Variants in ELMO1 observed in about 807,000 individuals in gnomAD.
ELMO1 encodes the protein engulfment and cell motility 1.
ELMO1 carries 26 observed loss-of-function variants against 98.9 expected under a neutral mutation model. The observed-to-expected ratio is 0.26, with a 90% CI of 0.19 to 0.36. ELMO1 has a LOEUF of 0.36. Among genes scored for constraint, ELMO1 ranks in the 10% least tolerant of loss-of-function variants. ELMO1 has a pLI of 1.00. For synonymous variants in ELMO1, 346 were observed against 346.0 expected, an observed-to-expected ratio of 1.00 and a Z score of 0.00; for missense variants, 627 against 935.2, an observed-to-expected ratio of 0.67 and a Z score of 4.30.
chr7:37,017,002 GAAGTA>G (rs1358676437), intron 15 of ELMO1, among the ~76,000 whole-genome samples: 1 of 152,176 alleles, frequency 6.6e-6, no homozygotes, highest in Non-Finnish European at 1.5e-5. Flanking sequence ...AAATATTTAT[GAAGTA>G]AAACCTTACA....
intron 8 of ELMO1, among the ~76,000 whole-genome samples, chr7:37,226,062 G>A (rs1366284032): frequency 6.6e-6 from 1 of 152,080 alleles, no homozygotes; most frequent in Admixed American, 6.6e-5. Context: ...AGCACACCAT[G>A]GCAGTTCCCA....
At chr7:37,233,705 C>A (rs192904709) in intron 7 of ELMO1, among the ~76,000 whole-genome samples, 1 of 147,556 alleles carries the variant, frequency 6.8e-6, no homozygotes, top group African/African-American at 2.5e-5. Context: ...AAAAATACTT[C>A]TATTAAGAGA....
chr7:36,968,012 TTGAG>T (rs1357305067), intron 16 of ELMO1, among the ~76,000 whole-genome samples: 4 of 152,318 alleles, frequency 2.6e-5, no homozygotes, highest in African/African-American at 7.2e-5. Context: ...TACCTTCCAA[TTGAG>T]TAATATTAGA....
At chr7:37,132,920 T>C (rs1485832114) in intron 14 of ELMO1, 3 of 372,892 alleles carry the variant, frequency 8.0e-6, no homozygotes, top group Non-Finnish European at 9.5e-6. Flanking sequence ...TTTTTTAATG[T>C]CATCGAAATA....
intron 5 of ELMO1, among the ~76,000 whole-genome samples, chr7:37,261,001 A>AT (rs1795948464): frequency 6.6e-6 from 1 of 152,178 alleles, no homozygotes; most frequent in African/African-American, 2.4e-5. Context: ...TGAAAAGTGT[A>AT]TTTTTTCTCC....
intron 15 of ELMO1, among the ~76,000 whole-genome samples, chr7:37,070,632 G>T (rs967143739): frequency 1.3e-5 from 2 of 152,182 alleles, no homozygotes; most frequent in Non-Finnish European, 2.9e-5. Flanking sequence ...CGTGTCTTGA[G>T]CAAGGCTTTC....
chr7:37,206,026 T>G (rs756801030), intron 13 of ELMO1, among the ~76,000 whole-genome samples: 21 of 152,296 alleles, frequency 1.4e-4, no homozygotes, highest in Non-Finnish European at 2.9e-4. Flanking sequence ...CTTTAACTGT[T>G]ACTTTCACCA....
chr7:37,077,085 C>G (rs1797623080), intron 15 of ELMO1, among the ~76,000 whole-genome samples: 2 of 152,212 alleles, frequency 1.3e-5, no homozygotes, highest in African/African-American at 4.8e-5. Context: ...ACCCGTGCAG[C>G]CTCTCCAAGC....
chr7:36,966,422 T>C (rs1176876073), intron 16 of ELMO1, among the ~76,000 whole-genome samples: 1 of 152,212 alleles, frequency 6.6e-6, no homozygotes, highest in Non-Finnish European at 1.5e-5. Context: ...TTGGCCTGTA[T>C]CTACTGCTCC....
At chr7:37,281,539 C>G (rs1797142475) in intron 4 of ELMO1, among the ~76,000 whole-genome samples, 1 of 152,170 alleles carries the variant, frequency 6.6e-6, no homozygotes. Flanking sequence ...TTTCATTTAT[C>G]CTATGATCTT....
intron 13 of ELMO1, among the ~76,000 whole-genome samples, chr7:37,200,859 T>C (rs1792251894): frequency 6.6e-6 from 1 of 150,468 alleles, no homozygotes; most frequent in South Asian, 2.1e-4. Flanking sequence ...CCTGAGGTGG[T>C]AGGATAGCTG....
At chr7:37,029,282 C>A (rs1395901216) in intron 15 of ELMO1, among the ~76,000 whole-genome samples, 2 of 152,216 alleles carry the variant, frequency 1.3e-5, no homozygotes, top group South Asian at 4.1e-4. Flanking sequence ...CCTCTTTGAT[C>A]CTGACTGATC....
intron 15 of ELMO1, among the ~76,000 whole-genome samples, chr7:37,019,122 G>T (rs992035665): frequency 1.3e-5 from 2 of 152,210 alleles, no homozygotes; most frequent in African/African-American, 4.8e-5. Context: ...AACGACAAAG[G>T]TCCTATTATT....
chr7:37,436,064 G>C (rs982708137), intron 1 of ELMO1, among the ~76,000 whole-genome samples: 8 of 152,214 alleles, frequency 5.3e-5, no homozygotes, highest in Non-Finnish European at 8.8e-5. Flanking sequence ...TGGGCAGCCA[G>C]CTTCCCTGAC....
At position 37,164,687 on chromosome 7, in the gene ELMO1, A is replaced by G. The variant is rs879788093; in HGVS notation, c.1087-31453T>C. On this transcript the variant is annotated intron_variant, in intron 13 of 21. Coordinates refer to ENST00000310758, the MANE Select transcript of ELMO1 (RefSeq NM_014800.11). ...ATTTCTGAGGGCTCTGTTCTGTTCC[A>G]TTGATCTATATCTCTGTTTTGGTAC... Among the ~76,000 whole-genome samples, 1,001 of 150,250 alleles carry G rather than the reference A, an allele frequency of 6.7e-3. 6 individuals carry two copies. The highest frequency in any genetic ancestry group is 0.011 in the Non-Finnish European group (706 of 66,914).
intron 15 of ELMO1, among the ~76,000 whole-genome samples, chr7:37,019,312 T>C (rs1247784954): frequency 6.6e-6 from 1 of 152,254 alleles, no homozygotes; most frequent in East Asian, 1.9e-4. Flanking sequence ...TGCAGGGAGA[T>C]ACAGGCAAAT....
chr7:36,979,241 C>T (rs946652709), intron 16 of ELMO1, among the ~76,000 whole-genome samples: 2 of 152,160 alleles, frequency 1.3e-5, no homozygotes, highest in Non-Finnish European at 2.9e-5. Context: ...ATGGCTTCTA[C>T]CCAAGGGATG....
intron 11 of ELMO1, among the ~76,000 whole-genome samples, chr7:37,214,927 C>G (rs1480224953): frequency 6.6e-6 from 1 of 152,208 alleles, no homozygotes; most frequent in East Asian, 1.9e-4. Context: ...CCACTCATAT[C>G]TCAGGGCATT....
At position 37,241,013 on chromosome 7, in the gene ELMO1, C is replaced by T. The variant is rs191673737; in HGVS notation, c.449+3343G>A. On this transcript the variant is annotated intron_variant, in intron 7 of 21. Transcript: ENST00000310758. ...TTGATCAAATCATCTATATCCTTAA[C>T]ATTTTGCCTAGTTTTCATACCAGTT... Among the ~76,000 whole-genome samples the T allele has an allele frequency of 8.1e-4, 124 of 152,204 alleles. 3 individuals are homozygous for T. The East Asian group carries it at 0.022, about 27-fold the overall frequency.
Sources: gnomAD v4.1 joint callset for allele counts (sites outside exome capture counted in the v4.1 genomes callset) on GRCh38, gnomAD v4.1.1 for gene constraint, MANE v1.5 for transcripts, NCBI Gene and HGNC (gene_info 2026-07-23, HGNC 2026-07-21) for gene names.